The following OR2L13 variants were observed in gnomAD, a reference collection of about 807,000 sequenced individuals.
OR2L13 encodes olfactory receptor family 2 subfamily L member 13.
Under a neutral mutation model 15.3 loss-of-function variants are expected in OR2L13, and 14 were observed. The observed-to-expected ratio is 0.91, with a 90% CI of 0.60 to 1.43. The LOEUF is 1.43. Ranked by LOEUF, OR2L13 falls within the 40% of genes most tolerant of loss-of-function variation. The pLI, the probability that OR2L13 is intolerant of heterozygous loss-of-function variation, is 0.00. For synonymous variants in OR2L13, 152 were observed against 142.9 expected, an observed-to-expected ratio of 1.06 and a Z score of -0.45; for missense variants, 367 against 387.9, an observed-to-expected ratio of 0.95 and a Z score of 0.45.
At chr1:248,003,999 G>A in the OR2L13 span, 2 of 1,613,840 alleles carry the variant, frequency 1.2e-6, no homozygotes, top group East Asian at 4.5e-5. Flanking sequence ...ATCATCTATA[G>A]CCTGAGGAAC....
At chr1:247,993,036 TG>T in the OR2L13 span, among the ~76,000 whole-genome samples, 1 of 143,292 alleles carries the variant, frequency 7.0e-6, no homozygotes, top group Non-Finnish European at 1.5e-5. Context: ...CAGCATCTGG[TG>T]TTTTTTTTGA....
chr1:247,990,993 C>T, the OR2L13 span: 2 of 1,514,094 alleles, frequency 1.3e-6, no homozygotes, highest in Non-Finnish European at 9.2e-7. Context: ...CCTGCAGCAC[C>T]CACCTCACTG....
At chr1:248,044,390 A>G in the OR2L13 span, among the ~76,000 whole-genome samples, 3 of 152,230 alleles carry the variant, frequency 2.0e-5, no homozygotes, top group African/African-American at 7.2e-5. Context: ...AACTTGTCTA[A>G]GAAACTGACT....
chr1:247,986,039 A>T, the OR2L13 span, among the ~76,000 whole-genome samples: 9 of 152,090 alleles, frequency 5.9e-5, no homozygotes, highest in South Asian at 2.1e-4. Flanking sequence ...ATTGCAAAAA[A>T]TTTCTCCCAT....
At chr1:248,078,181 G>A in the OR2L13 span, among the ~76,000 whole-genome samples, 1 of 152,106 alleles carries the variant, frequency 6.6e-6, no homozygotes, top group South Asian at 2.1e-4. Flanking sequence ...TTGCTAGTAG[G>A]AATAAAAAAT....
chr1:247,975,189 G>T, the OR2L13 span: 2 of 392,760 alleles, frequency 5.1e-6, no homozygotes, highest in South Asian at 4.4e-5. Flanking sequence ...TTGGATAATG[G>T]GCTCTATCGA....
At chr1:248,064,837 A>G in the OR2L13 span, among the ~76,000 whole-genome samples, 6 of 152,132 alleles carry the variant, frequency 3.9e-5, no homozygotes, top group African/African-American at 1.4e-4. Flanking sequence ...GTCTCTGTGA[A>G]TGGAGATAAA....
chr1:247,956,140 C>T, the OR2L13 span, among the ~76,000 whole-genome samples: 605 of 150,230 alleles, frequency 4.0e-3, 4 homozygotes, highest in Non-Finnish European at 6.5e-3. Context: ...AGGAAGGGAT[C>T]CAGTTTCAGC....
At chr1:248,067,603 G>A in the OR2L13 span, among the ~76,000 whole-genome samples, 4 of 152,358 alleles carry the variant, frequency 2.6e-5, no homozygotes, top group East Asian at 7.7e-4. Context: ...TCCATCTGAG[G>A]TACCGGGTTC....
At chr1:248,075,215 T>A in the OR2L13 span, among the ~76,000 whole-genome samples, 1 of 152,246 alleles carries the variant, frequency 6.6e-6, no homozygotes, top group African/African-American at 2.4e-5. Context: ...TTCTTTTTTA[T>A]GGCTGCATAG....
the OR2L13 span, among the ~76,000 whole-genome samples, chr1:248,044,743 C>T: frequency 1.3e-5 from 1 of 79,192 alleles, no homozygotes; most frequent in Non-Finnish European, 2.0e-5. Flanking sequence ...GCGGAGCTTG[C>T]AGTGAGCCGA....
At chr1:248,027,188 C>T in the OR2L13 span, among the ~76,000 whole-genome samples, 1 of 152,144 alleles carries the variant, frequency 6.6e-6, no homozygotes, top group Non-Finnish European at 1.5e-5. Flanking sequence ...AGATAAGGGA[C>T]GAAATAAGCC....
At chr1:248,043,087 C>G in the OR2L13 span, among the ~76,000 whole-genome samples, 1 of 152,110 alleles carries the variant, frequency 6.6e-6, no homozygotes, top group East Asian at 1.9e-4. Flanking sequence ...ATTCACAGCC[C>G]TAGAAACTTG....
chr1:248,072,365 C>T, the OR2L13 span, among the ~76,000 whole-genome samples: 1 of 152,186 alleles, frequency 6.6e-6, no homozygotes, highest in Non-Finnish European at 1.5e-5. Context: ...CTGAGAAAAA[C>T]AAGCAATGGG....
At chr1:247,984,893 C>T in the OR2L13 span, among the ~76,000 whole-genome samples, 1 of 152,070 alleles carries the variant, frequency 6.6e-6, no homozygotes, top group African/African-American at 2.4e-5. Context: ...TCCCTGTCTC[C>T]CTTCTGCTAT....
At chr1:248,072,590 C>G in the OR2L13 span, among the ~76,000 whole-genome samples, 1 of 152,104 alleles carries the variant, frequency 6.6e-6, no homozygotes, top group Non-Finnish European at 1.5e-5. Context: ...GTCTAAAACA[C>G]CAAAAGCAAT....
At chr1:247,943,917 C>T in the OR2L13 span, among the ~76,000 whole-genome samples, 4 of 152,030 alleles carry the variant, frequency 2.6e-5, no homozygotes, top group Non-Finnish European at 4.4e-5. Flanking sequence ...TCCACTTTTC[C>T]AAACACCATT....
chr1:248,050,992 T>C, the OR2L13 span, among the ~76,000 whole-genome samples: 2 of 152,196 alleles, frequency 1.3e-5, no homozygotes, highest in Admixed American at 1.3e-4. Flanking sequence ...AAGGGATCTT[T>C]TATTAGTGCA....
chr1:247,972,978 A>C, the OR2L13 span, among the ~76,000 whole-genome samples: 379 of 152,350 alleles, frequency 2.5e-3, no homozygotes, highest in African/African-American at 8.0e-3. Context: ...CAACATATGC[A>C]AATAAATAAA....
Sources: gnomAD v4.1 joint callset for allele counts (sites outside exome capture counted in the v4.1 genomes callset) on GRCh38, gnomAD v4.1.1 for gene constraint, MANE v1.5 for transcripts, NCBI Gene and HGNC (gene_info 2026-07-23, HGNC 2026-07-21) for gene names.